Variants in TOPAZ1 observed in about 807,000 individuals in gnomAD.
TOPAZ1 encodes testis and ovary specific TOPAZ 1, also known as protein TOPAZ1.
A neutral mutation model predicts 172.2 loss-of-function variants in TOPAZ1; 66 were observed. The ratio of observed to expected loss-of-function variants is 0.38; its 90% CI spans 0.31 to 0.47. The LOEUF is 0.47. Among genes scored for constraint, TOPAZ1 ranks in the 20% least tolerant of loss-of-function variants. The pLI is 0.99. For synonymous variants in TOPAZ1, 681 were observed against 683.9 expected, an observed-to-expected ratio of 1.00 and a Z score of 0.07; for missense variants, 1,822 against 1,972.4, an observed-to-expected ratio of 0.92 and a Z score of 1.44.
rs1403483115 is a variant in TOPAZ1 at position 44,244,395 on chromosome 3, A to G, written c.1889A>G (p.Lys630Arg). Residue 630 changes from lysine (K) to arginine (R), a missense_variant, in exon 2 of 20, where the codon AAA becomes AGA. Coordinates refer to ENST00000309765, the MANE Select transcript of TOPAZ1 (RefSeq NM_001145030.2). ...SETQSLTGNK[K>R]KARGNLTKLN... ...ACTCAAAGCTTAACGGGAAATAAAAAAAAAGCTAGAGGAAATTTAACGAAA... is the reference window on the plus strand; with the variant it reads ...ACTCAAAGCTTAACGGGAAATAAAAGAAAAGCTAGAGGAAATTTAACGAAA... The G allele has an allele frequency of 1.9e-6, 3 of 1,551,214 alleles. No homozygotes were observed. The highest frequency in any genetic ancestry group is 2.6e-6 in the Non-Finnish European group (3 of 1,146,868).
At chr3:44,278,866 C>G (rs1479017829) in intron 8 of TOPAZ1, among the ~76,000 whole-genome samples, 1 of 146,442 alleles carries the variant, frequency 6.8e-6, no homozygotes, top group East Asian at 2.0e-4. Context: ...TTCTTTCCTT[C>G]TACTAGTTTT....
chr3:44,325,876 C>T lies in TOPAZ1; in HGVS notation c.4676-2374C>T, dbSNP rs535687354. Among the ~76,000 whole-genome samples, 8 of 152,280 alleles carry T rather than the reference C, an allele frequency of 5.3e-5. No individual in the cohort carries two copies. In the East Asian group the frequency reaches 1.4e-3, roughly 26 times the overall value. ...CAGGCTGGTCTTGAACTCCCAGCCT[C>T]AGGTCATCCATCCACCTCGGCCTCC... On this transcript the variant is annotated intron_variant, in intron 18 of 19. Transcript: ENST00000309765.
rs150683805 is a variant in TOPAZ1 at position 44,253,544 on chromosome 3, T to C, written c.2766-1424T>C. Among the ~76,000 whole-genome samples the C allele has an allele frequency of 1.1e-3, 169 of 152,186 alleles. 1 individual carries two copies. The highest frequency in any genetic ancestry group is 3.9e-3 in the African/African-American group (161 of 41,538). On this transcript the variant is annotated intron_variant, in intron 2 of 19. Transcript: ENST00000309765. ...GAAGAACATTACCATCCATCTCCCA[T>C]GCAAAAAAGCTGTATTGGGGAGGTG...
At chr3:44,271,840 GAA>G (rs773470241) in intron 8 of TOPAZ1, among the ~76,000 whole-genome samples, 1 of 150,860 alleles carries the variant, frequency 6.6e-6, no homozygotes, top group South Asian at 2.1e-4. Flanking sequence ...AGATATCAAA[GAA>G]AAAAAAACTT....
At chr3:44,250,295 T>C (rs1301440752) in intron 2 of TOPAZ1, among the ~76,000 whole-genome samples, 8 of 151,676 alleles carry the variant, frequency 5.3e-5, no homozygotes, top group Admixed American at 2.6e-4. Context: ...TCATTTTTTC[T>C]CTCCCTTATA....
At chr3:44,293,134 T>G (rs377460727) in intron 12 of TOPAZ1, among the ~76,000 whole-genome samples, 3 of 152,322 alleles carry the variant, frequency 2.0e-5, no homozygotes, top group African/African-American at 7.2e-5. Flanking sequence ...CTCATATGTT[T>G]GTGGTGATAC....
chr3:44,313,956 G>C (rs1278469535), intron 16 of TOPAZ1, among the ~76,000 whole-genome samples: 6 of 152,140 alleles, frequency 3.9e-5, no homozygotes, highest in African/African-American at 1.4e-4. Flanking sequence ...AAATACCCTT[G>C]CCAACAATTA....
At chr3:44,281,449 C>T (rs1438874375) in intron 8 of TOPAZ1, among the ~76,000 whole-genome samples, 1 of 152,158 alleles carries the variant, frequency 6.6e-6, no homozygotes, top group Non-Finnish European at 1.5e-5. Context: ...TGACTTTTTG[C>T]ATCCTGTTGA....
chr3:44,256,316 C>T (rs1203348958), intron 4 of TOPAZ1, 38 bp downstream of exon 4: 4 of 1,501,860 alleles, frequency 2.7e-6, no homozygotes, highest in Non-Finnish European at 3.5e-6. Context: ...ATTTCTTGGT[C>T]TTAAATAGTG....
chr3:44,331,945 T>C lies in TOPAZ1; in HGVS notation c.5013T>C (p.Ser1671=). 6.4e-7 allele frequency: 1 copy of C among 1,551,448 alleles called. No individual in the cohort carries two copies. The highest frequency in any genetic ancestry group is 1.2e-5 in the South Asian group (1 of 84,054). ...KEQVYSLEHC[S]ALKWLKENMK... ...AGGTTTATAGTTTGGAACATTGTTC[T>C]GCCCTGAAATGGTTAAAAGAGAATA... Residue 1671 remains serine, a synonymous_variant, in exon 20 of 20, where the codon TCT becomes TCC. Transcript: ENST00000309765.
chr3:44,242,230 G>A lies in TOPAZ1; in HGVS notation c.177G>A (p.Gly59=). ...KRRMVARATP[G]RGEVESDKSV... ...GAATGGTGGCCCGGGCCACCCCTGGGAGAGGCGAGGTGGAAAGTGATAAGT... is the reference window on the plus strand; with the variant it reads ...GAATGGTGGCCCGGGCCACCCCTGGAAGAGGCGAGGTGGAAAGTGATAAGT... Residue 59 remains glycine, a synonymous_variant, in exon 1 of 20, where the codon GGG becomes GGA. Coordinates refer to ENST00000309765, the MANE Select transcript of TOPAZ1 (RefSeq NM_001145030.2). The A allele has an allele frequency of 6.5e-7, 1 of 1,547,188 alleles. No homozygotes were observed. Among genetic ancestry groups the A allele is most frequent in the Non-Finnish European group, 8.7e-7 (1 of 1,145,716 alleles).
At chr3:44,302,505 C>A (rs1405784311) in intron 12 of TOPAZ1, among the ~76,000 whole-genome samples, 1 of 152,144 alleles carries the variant, frequency 6.6e-6, no homozygotes, top group Non-Finnish European at 1.5e-5. Context: ...ACAATGGGGT[C>A]TGTTTCTTGA....
intron 17 of TOPAZ1, among the ~76,000 whole-genome samples, chr3:44,321,941 A>G (rs530295378): frequency 6.6e-6 from 1 of 152,292 alleles, no homozygotes; most frequent in South Asian, 2.1e-4. Context: ...CAAAGTAGTA[A>G]TAGGGAGATT....
At chr3:44,290,407 C>T (rs926564393) in intron 11 of TOPAZ1, among the ~76,000 whole-genome samples, 1 of 152,072 alleles carries the variant, frequency 6.6e-6, no homozygotes, top group Non-Finnish European at 1.5e-5. Flanking sequence ...CTTCTCTGGC[C>T]ATGGCCCTAT....
intron 5 of TOPAZ1, among the ~76,000 whole-genome samples, chr3:44,266,113 C>T (rs1409788529): frequency 2.0e-5 from 3 of 152,150 alleles, no homozygotes; most frequent in Non-Finnish European, 2.9e-5. Flanking sequence ...TTCGTGAAAC[C>T]TCATGAACCA....
At chr3:44,303,720 C>T (rs1199561441) in intron 12 of TOPAZ1, among the ~76,000 whole-genome samples, 1 of 151,878 alleles carries the variant, frequency 6.6e-6, no homozygotes, top group East Asian at 1.9e-4. Flanking sequence ...TATTTTTTTT[C>T]TCCTTTTAGT....
chr3:44,313,635 G>C (rs1199549392), intron 16 of TOPAZ1, among the ~76,000 whole-genome samples: 2 of 138,642 alleles, frequency 1.4e-5, no homozygotes, highest in Non-Finnish European at 3.1e-5. Flanking sequence ...AAAAAAAAAA[G>C]CCCCCCACTT....
chr3:44,269,250 G>C lies in TOPAZ1; in HGVS notation c.3195G>C (p.Lys1065Asn), dbSNP rs959036907. Reference protein sequence around the residue: ...FRFLGKHSVLKLQNPETCEIF... With the variant: ...FRFLGKHSVLNLQNPETCEIF... ...TTCTGGGAAAACATTCTGTCCTAAA[G>C]CTGCAGAATCCTGAAACTTGTGAAA... Residue 1065 changes from lysine to asparagine, a missense_variant, in exon 7 of 20, where the codon AAG becomes AAC. Around this residue, in one of 2 missense-constraint regions of TOPAZ1, gnomAD observed 1,489 missense variants for 1,490.8 expected, o/e 1.00. Transcript: ENST00000309765. 6.5e-7 allele frequency: 1 copy of C among 1,550,330 alleles called. No individual in the cohort carries two copies. The highest frequency in any genetic ancestry group is 8.7e-7 in the Non-Finnish European group (1 of 1,145,932).
chr3:44,300,845 G>C (rs1404190890), intron 12 of TOPAZ1, among the ~76,000 whole-genome samples: 1 of 137,838 alleles, frequency 7.3e-6, no homozygotes, highest in Non-Finnish European at 1.6e-5. Context: ...GTAATAACCA[G>C]AAACTGGAAA....
Sources: allele counts gnomAD v4.1 joint callset (sites outside exome capture counted in the v4.1 genomes callset), GRCh38; gene constraint gnomAD v4.1.1; regional missense constraint gnomAD v4.1.1; transcripts MANE v1.5; gene names NCBI Gene and HGNC (gene_info 2026-07-23, HGNC 2026-07-21).